COL24A1: variants seen among roughly 807,000 people sequenced by gnomAD.
COL24A1 encodes collagen alpha-1(XXIV) chain.
In COL24A1, 224 loss-of-function variants were observed where a neutral mutation model predicts 253.9. The observed-to-expected ratio is 0.88, with a 90% CI of 0.79 to 0.99. COL24A1 has a LOEUF of 0.99. Among genes scored for constraint, COL24A1 ranks in the 50% least tolerant of loss-of-function variants. The pLI, the probability that COL24A1 is intolerant of heterozygous loss-of-function variation, is 0.00. For missense variants in COL24A1, 2,131 were observed against 2,068.5 expected, an observed-to-expected ratio of 1.03 and a Z score of -0.59; for synonymous variants, 685 against 673.7, an observed-to-expected ratio of 1.02 and a Z score of -0.26.
chr1:86,145,999 G>T, intron 2 of COL24A1, 120 bp downstream of exon 2: 3 of 791,394 alleles, frequency 3.8e-6, no homozygotes, highest in Non-Finnish European at 6.0e-6. Context: ...GTACTGGGTG[G>T]AATTTTTGTT....
chr1:85,862,909 T>C (rs1679326673), intron 37 of COL24A1, among the ~76,000 whole-genome samples: 1 of 152,138 alleles, frequency 6.6e-6, no homozygotes, highest in South Asian at 2.1e-4. Context: ...CCTTGGGCAA[T>C]ATGGCCATTT....
chr1:85,810,348 GA>G (rs1211090785), intron 47 of COL24A1, among the ~76,000 whole-genome samples: 1 of 152,112 alleles, frequency 6.6e-6, no homozygotes, highest in Non-Finnish European at 1.5e-5. Context: ...CCCTTTTCTA[GA>G]AAATTCACAA....
At chr1:85,818,801 T>C (rs577806053) in intron 45 of COL24A1, among the ~76,000 whole-genome samples, 1 of 152,312 alleles carries the variant, frequency 6.6e-6, no homozygotes, top group East Asian at 1.9e-4. Flanking sequence ...AGAAAAGGAA[T>C]CATGTTGTCA....
intron 11 of COL24A1, among the ~76,000 whole-genome samples, chr1:86,049,029 T>C (rs944102128): frequency 2.0e-5 from 3 of 152,264 alleles, no homozygotes; most frequent in Non-Finnish European, 2.9e-5. Flanking sequence ...ACTGGAACCA[T>C]TGGGTCAAGA....
chr1:86,114,530 G>A (rs1418256616), intron 4 of COL24A1, among the ~76,000 whole-genome samples: 2 of 152,134 alleles, frequency 1.3e-5, no homozygotes, highest in African/African-American at 4.8e-5. Context: ...TGGAAGAAAT[G>A]TGATAGGTCA....
chr1:85,852,318 A>C (rs1677866451), intron 37 of COL24A1, among the ~76,000 whole-genome samples: 1 of 152,200 alleles, frequency 6.6e-6, no homozygotes, highest in Non-Finnish European at 1.5e-5. Flanking sequence ...TTTGTGAATG[A>C]GTATGGCACT....
intron 22 of COL24A1, among the ~76,000 whole-genome samples, chr1:85,968,153 T>C (rs1202150199): frequency 1.3e-5 from 2 of 152,178 alleles, no homozygotes; most frequent in Non-Finnish European, 2.9e-5. Context: ...CTCCTCAGCT[T>C]GCAGACAGCC....
intron 2 of COL24A1, among the ~76,000 whole-genome samples, chr1:86,136,636 A>T (rs1507285): frequency 1 from 152,090 of 152,136 alleles, 76,023 homozygotes; most frequent in Non-Finnish European, 1. Flanking sequence ...GATAAATGGT[A>T]GCGATGCATT....
intron 2 of COL24A1, among the ~76,000 whole-genome samples, chr1:86,127,045 C>T (rs1292802495): frequency 1.3e-5 from 2 of 152,076 alleles, no homozygotes; most frequent in African/African-American, 4.8e-5. Context: ...TGCATGGAAG[C>T]TTTCCCAATG....
intron 31 of COL24A1, among the ~76,000 whole-genome samples, chr1:85,891,862 C>T (rs1018885252): frequency 4.0e-5 from 6 of 151,762 alleles, no homozygotes; most frequent in African/African-American, 1.2e-4. Flanking sequence ...TTTAAGTGGA[C>T]TCTGTTTTTA....
chr1:85,891,386 T>A (rs956795281), intron 31 of COL24A1, among the ~76,000 whole-genome samples: 1 of 152,112 alleles, frequency 6.6e-6, no homozygotes, highest in African/African-American at 2.4e-5. Flanking sequence ...TTCTACATTA[T>A]TGATCTCAGG....
intron 32 of COL24A1, among the ~76,000 whole-genome samples, chr1:85,880,867 A>C (rs1681759944): frequency 6.6e-6 from 1 of 152,200 alleles, no homozygotes; most frequent in Non-Finnish European, 1.5e-5. Context: ...TATACCTGGA[A>C]AAAATTCCAC....
intron 45 of COL24A1, among the ~76,000 whole-genome samples, chr1:85,820,058 G>T (rs1036936974): frequency 4.6e-5 from 7 of 152,074 alleles, no homozygotes; most frequent in African/African-American, 7.2e-5. Flanking sequence ...ATGTTGGCCA[G>T]GCTGGTCTTG....
chr1:85,948,943 T>C (rs1016243894), intron 24 of COL24A1, among the ~76,000 whole-genome samples: 4 of 152,054 alleles, frequency 2.6e-5, no homozygotes, highest in African/African-American at 9.7e-5. Flanking sequence ...ATACAAAGAA[T>C]TGCCAATTAC....
intron 43 of COL24A1, among the ~76,000 whole-genome samples, chr1:85,833,484 G>A (rs1186012317): frequency 6.6e-6 from 1 of 152,202 alleles, no homozygotes; most frequent in African/African-American, 2.4e-5. Context: ...TGGAGAGGAT[G>A]TGGAGAAATA....
chr1:85,948,775 T>C (rs980861858), intron 24 of COL24A1, among the ~76,000 whole-genome samples: 3 of 151,228 alleles, frequency 2.0e-5, no homozygotes, highest in African/African-American at 7.3e-5. Flanking sequence ...AAAAAAGAAA[T>C]CTTCAAGCCA....
At chr1:85,892,850 A>G (rs1036833608) in intron 31 of COL24A1, among the ~76,000 whole-genome samples, 5 of 152,086 alleles carry the variant, frequency 3.3e-5, no homozygotes, top group African/African-American at 1.2e-4. Context: ...ACCATGGAAA[A>G]TTATGAGAAG....
intron 16 of COL24A1, 94 bp downstream of exon 16, chr1:86,022,739 C>A: frequency 1.4e-5 from 17 of 1,231,350 alleles, no homozygotes; most frequent in Non-Finnish European, 1.8e-5. Flanking sequence ...AAATTAGACT[C>A]CATAAAAACA....
At chr1:86,141,737 G>C (rs886454902) in intron 2 of COL24A1, among the ~76,000 whole-genome samples, 1 of 146,458 alleles carries the variant, frequency 6.8e-6, no homozygotes, top group Admixed American at 6.9e-5. Context: ...GTCTCACTCT[G>C]TCAGCCAGGC....
Sources: allele counts gnomAD v4.1 joint callset (sites outside exome capture counted in the v4.1 genomes callset), GRCh38; gene constraint gnomAD v4.1.1; transcripts MANE v1.5; gene names NCBI Gene and HGNC (gene_info 2026-07-23, HGNC 2026-07-21).